Variants in LHX9 observed in about 807,000 individuals in gnomAD.
LHX9 encodes the protein LIM/homeobox protein Lhx9.
Under a neutral mutation model 36.5 loss-of-function variants are expected in LHX9, and 9 were observed. That is an observed-to-expected ratio of 0.25 (90% CI 0.15 to 0.43). LHX9 has a LOEUF of 0.43. LHX9 is among the 20% of genes least tolerant of loss of function. The pLI is 1.00. For missense variants in LHX9, 464 were observed against 526.4 expected (o/e 0.88, Z 1.16); for synonymous variants, 211 against 212.1 (o/e 0.99, Z 0.04).
upstream of LHX9, chr1:197,912,559 G>A: frequency 6.2e-7 from 1 of 1,614,194 alleles, no homozygotes; most frequent in South Asian, 1.1e-5. Context: ...TCTAGAGGCA[G>A]GTGAGTTATG....
At chr1:197,916,294 T>C, upstream of LHX9, 1 of 214,650 alleles carries the variant, frequency 4.7e-6, no homozygotes, top group Non-Finnish European at 9.3e-6. Context: ...GGAGCAGGTC[T>C]GCCATTCTGC....
At chr1:197,914,619 C>T (rs952632767), upstream of LHX9, among the ~76,000 whole-genome samples, 2 of 152,162 alleles carry the variant, frequency 1.3e-5, no homozygotes, top group African/African-American at 4.8e-5. Context: ...TTCCTTCCCA[C>T]CCTTCCTGGG....
In LHX9 at chr1:197,925,197, A is replaced by G. The variant is rs1174335249; in HGVS notation, c.734-2394A>G. Among the ~76,000 whole-genome samples, 5 of 152,216 alleles carry G rather than the reference A, an allele frequency of 3.3e-5. 1 individual carries two copies. The highest frequency in any genetic ancestry group is 7.3e-5 in the Non-Finnish European group (5 of 68,032). On this transcript the variant is annotated intron_variant, in intron 3 of 4. Transcript: ENST00000367387. Reference sequence around the variant, plus strand: ...CTATAACTGTATTTTACACACTAAAAGGCTCTGCTGAGTTTTTAATCAGCA... The same window carrying G: ...CTATAACTGTATTTTACACACTAAAGGGCTCTGCTGAGTTTTTAATCAGCA...
At chr1:197,926,097 T>C (rs543268028) in intron 3 of LHX9, among the ~76,000 whole-genome samples, 1 of 152,400 alleles carries the variant, frequency 6.6e-6, no homozygotes, top group East Asian at 1.9e-4. Flanking sequence ...GTGAGTTTTA[T>C]ATGTGGCTGC....
upstream of LHX9, among the ~76,000 whole-genome samples, chr1:197,914,623 T>C (rs1380497292): frequency 1.3e-5 from 2 of 152,068 alleles, no homozygotes; most frequent in African/African-American, 4.8e-5. Context: ...TTCCCACCCT[T>C]CCTGGGCTTC....
Position 197,921,793 on chromosome 1 carries a change from T to A in LHX9, c.733+134T>A. ...CCTCTGTTCTCACTGCAACTCCCTC[T>A]CACTCTGAAGGAAGGGAGAGAGGGA... On this transcript the variant is annotated intron_variant, in intron 3 of 4. Coordinates refer to ENST00000367387, the MANE Select transcript of LHX9 (RefSeq NM_020204.3). The surrounding 1 kb of genome is among the most constrained non-coding windows in gnomAD (Gnocchi z 4.6). 2.8e-6 allele frequency: 2 copies of A among 721,138 alleles called. No homozygotes were observed. Among genetic ancestry groups the A allele is most frequent in the Non-Finnish European group, 4.4e-6 (2 of 450,736 alleles). 44.7% of individuals were successfully genotyped at this position (721,138 alleles called of 1,614,324 possible). A position where few individuals can be genotyped will look rare whatever the true frequency, so the allele number is the denominator to read the frequency against.
intron 3 of LHX9, among the ~76,000 whole-genome samples, chr1:197,925,739 T>C (rs1660123945): frequency 6.6e-6 from 1 of 152,186 alleles, no homozygotes; most frequent in Non-Finnish European, 1.5e-5. Context: ...TCTCTGGACA[T>C]ATGGTAGCCT....
intron 1 of LHX9, 149 bp downstream of exon 1, chr1:197,918,146 T>A (rs1659837176): frequency 1.2e-6 from 1 of 824,912 alleles, no homozygotes. Flanking sequence ...CGTCCACCTA[T>A]GCCTACAGGG....
At position 197,932,941 on chromosome 1, in the gene LHX9, A is replaced by C. The variant is rs1660364188; in HGVS notation, c.*3682A>C. The C allele has an allele frequency of 2.0e-5, 3 of 152,060 alleles. No individual in the cohort carries two copies. The highest frequency in any genetic ancestry group is 1.3e-4 in the Admixed American group (2 of 15,268). The allele number at this position is 152,060 out of a possible 1,614,324, so 9.4% of individuals were successfully genotyped here. ...GAGTTTACATGTTTGCTATGCAATG[A>C]ACAAATTTATTGATGTATACAAATA... On this transcript the variant is annotated 3_prime_UTR_variant, in exon 5 of 5. Transcript: ENST00000367387.
rs746249723 is a variant in LHX9, at chr1:197,931,899, G to T, written c.*2640G>T. On this transcript the variant is annotated 3_prime_UTR_variant, in exon 5 of 5. Transcript: ENST00000367387. ...CAAGTTGCTCTGTAGTTAATAAATT[G>T]TCACTATGATTTTTTTCAGGGAGAA... The T allele has an allele frequency of 7.8e-6, 12 of 1,543,598 alleles. No individual in the cohort carries two copies. In the Admixed American group the frequency reaches 1.6e-4, roughly 20 times the overall value.
chr1:197,912,607 AG>A (rs1267150567), upstream of LHX9: 2 of 1,579,232 alleles, frequency 1.3e-6, no homozygotes, highest in African/African-American at 1.3e-5. Flanking sequence ...CCCTTGGGCC[AG>A]TGCGTATACC....
At chr1:197,912,542 G>A (rs1282936839), upstream of LHX9, 3 of 1,614,216 alleles carry the variant, frequency 1.9e-6, no homozygotes, top group South Asian at 3.3e-5. Flanking sequence ...ATGCTGAACG[G>A]TACCACTCTA....
Position 197,933,716 on chromosome 1 carries a change from T to C in LHX9, c.*4457T>C, listed in dbSNP as rs1660384706. 7.0e-6 allele frequency: 1 copy of C among 142,680 alleles called. No homozygotes were observed. Among genetic ancestry groups the C allele is most frequent in the African/African-American group, 2.6e-5 (1 of 38,284 alleles). 8.8% of individuals were successfully genotyped at this position (142,680 alleles called of 1,614,324 possible). A position where few individuals can be genotyped will look rare whatever the true frequency, so the allele number is the denominator to read the frequency against. On this transcript the variant is annotated 3_prime_UTR_variant, in exon 5 of 5. Transcript: ENST00000367387. ...AGACATCTGAAAAAAAAATACAAATTTGAAACAGGCACATTTTTTAAAACC... is the reference window on the plus strand; with the variant it reads ...AGACATCTGAAAAAAAAATACAAATCTGAAACAGGCACATTTTTTAAAACC...
intron 4 of LHX9, among the ~76,000 whole-genome samples, chr1:197,928,152 C>T (rs575153525): frequency 6.6e-6 from 1 of 152,302 alleles, no homozygotes; most frequent in East Asian, 1.9e-4. Flanking sequence ...TTGAGAGGGA[C>T]CTGTTGGCAC....
At chr1:197,927,825 A>ATTTCCC in intron 4 of LHX9, 32 bp downstream of exon 4, 1 of 1,572,488 alleles carries the variant, frequency 6.4e-7, no homozygotes, top group Non-Finnish European at 8.8e-7. Context: ...CTGTGCATAC[A>ATTTCCC]TTTCCCTTCC....
upstream of LHX9, chr1:197,917,300 T>A: frequency 2.4e-6 from 3 of 1,237,290 alleles, no homozygotes; most frequent in Non-Finnish European, 1.0e-6. Context: ...GGGAGAGAAC[T>A]CCTCCTACTA....
In LHX9 at chr1:197,931,803, T is replaced by C. The variant is rs1010796608; in HGVS notation, c.*2544T>C. The C allele has an allele frequency of 2.3e-5, 15 of 648,500 alleles. No individual in the cohort carries two copies. Among genetic ancestry groups the C allele is most frequent in the Non-Finnish European group, 3.7e-5 (14 of 376,426 alleles). 40.2% of individuals were successfully genotyped at this position (648,500 alleles called of 1,614,324 possible). A position where few individuals can be genotyped will look rare whatever the true frequency, so the allele number is the denominator to read the frequency against. ...AACGAAACCTTAAATATGATTAAGA[T>C]TTCATGTTAGGTCTATTGAGCACAA... is the stretch of plus-strand genomic sequence containing the variant. On this transcript the variant is annotated 3_prime_UTR_variant, in exon 5 of 5. Coordinates refer to ENST00000367387, the MANE Select transcript of LHX9 (RefSeq NM_020204.3).
In LHX9 at chr1:197,917,618, G is replaced by A; in HGVS notation, c.-206G>A. The A allele has an allele frequency of 2.0e-6, 3 of 1,508,858 alleles. No homozygotes were observed. The highest frequency in any genetic ancestry group is 2.7e-6 in the Non-Finnish European group (3 of 1,129,490). The allele number at this position is 1,508,858 out of a possible 1,614,324, so 93.5% of individuals were successfully genotyped here. A position where few individuals can be genotyped will look rare whatever the true frequency, so the allele number is the denominator to read the frequency against. On this transcript the variant is annotated 5_prime_UTR_variant, in exon 1 of 5. Coordinates refer to ENST00000367387, the MANE Select transcript of LHX9 (RefSeq NM_020204.3). ...TTCTGCACATCTCCTTCAGGGAGCCGCTGAGGCTTCCCCCCAACTCTTCCC... is the reference window on the plus strand; with the variant it reads ...TTCTGCACATCTCCTTCAGGGAGCCACTGAGGCTTCCCCCCAACTCTTCCC...
Position 197,930,110 on chromosome 1 carries a change from T to C in LHX9, c.*851T>C, listed in dbSNP as rs928021289. On this transcript the variant is annotated 3_prime_UTR_variant, in exon 5 of 5. Transcript: ENST00000367387. ...AGGGAAAATGGAAATAAGCAAAATA[T>C]AATGTTTTAAGAAGTAAAAAAATCA... is the stretch of plus-strand genomic sequence containing the variant. 5.4e-6 allele frequency: 5 copies of C among 933,642 alleles called. No individual in the cohort carries two copies. Among genetic ancestry groups the C allele is most frequent in the Non-Finnish European group, 6.4e-6 (5 of 782,946 alleles). The allele number at this position is 933,642 out of a possible 1,614,324, so 57.8% of individuals were successfully genotyped here.
Sources: gnomAD v4.1 joint callset for allele counts (sites outside exome capture counted in the v4.1 genomes callset) on GRCh38, gnomAD v4.1.1 for gene constraint, Gnocchi (gnomAD v3.1) non-coding constraint, MANE v1.5 for transcripts, NCBI Gene and HGNC (gene_info 2026-07-23, HGNC 2026-07-21) for gene names.